CFAP206: variants seen among roughly 807,000 people sequenced by gnomAD.
CFAP206 encodes the protein cilia and flagella associated protein 206, also known as cilia- and flagella-associated protein 206.
CFAP206 carries 53 observed loss-of-function variants against 65.4 expected under a neutral mutation model. The observed-to-expected ratio is 0.81, with a 90% CI of 0.65 to 1.02. The LOEUF (loss-of-function observed/expected upper bound fraction) is 1.02. Among genes scored for constraint, CFAP206 ranks in the 50% least tolerant of loss-of-function variants. The pLI is 0.00. For synonymous variants in CFAP206, 250 were observed against 254.4 expected, an observed-to-expected ratio of 0.98 and a Z score of 0.17; for missense variants, 663 against 753.2, an observed-to-expected ratio of 0.88 and a Z score of 1.40.
chr6:87,434,494 T>A (rs1768217094), intron 10 of CFAP206, among the ~76,000 whole-genome samples: 1 of 131,750 alleles, frequency 7.6e-6, no homozygotes, highest in Non-Finnish European at 1.6e-5. Flanking sequence ...ATATTTCTTT[T>A]TCTTTTTCTT....
intron 11 of CFAP206, among the ~76,000 whole-genome samples, chr6:87,455,082 T>A (rs1768617001): frequency 6.6e-6 from 1 of 151,458 alleles, no homozygotes; most frequent in African/African-American, 2.4e-5. Context: ...ACCACCATGG[T>A]CAGCTAATTT....
At chr6:87,458,124 T>G (rs1768680526) in intron 11 of CFAP206, among the ~76,000 whole-genome samples, 1 of 152,010 alleles carries the variant, frequency 6.6e-6, no homozygotes, top group Admixed American at 6.6e-5. Context: ...TAATGAGATA[T>G]CATCCCACCC....
At chr6:87,423,711 A>C (rs778074447) in intron 7 of CFAP206, among the ~76,000 whole-genome samples, 1 of 152,202 alleles carries the variant, frequency 6.6e-6, no homozygotes, top group Non-Finnish European at 1.5e-5. Context: ...CCTAAAACAA[A>C]ACTTAACAAG....
At chr6:87,450,807 C>T (rs1295565704) in intron 11 of CFAP206, among the ~76,000 whole-genome samples, 1 of 152,266 alleles carries the variant, frequency 6.6e-6, no homozygotes, top group East Asian at 1.9e-4. Context: ...GAAAGACAGT[C>T]TTTAATTGCC....
chr6:87,428,691 C>A lies in CFAP206; in HGVS notation c.1026C>A (p.Val342=). 2 of 1,614,110 alleles carry A rather than the reference C, an allele frequency of 1.2e-6. No individual in the cohort carries two copies. Among genetic ancestry groups the A allele is most frequent in the Non-Finnish European group, 1.7e-6 (2 of 1,180,012 alleles). Residue 342 remains valine, a synonymous_variant, in exon 9 of 13, where the codon GTC becomes GTA. Coordinates refer to ENST00000369562, the MANE Select transcript of CFAP206 (RefSeq NM_001031743.3). The part of the protein sequence containing the change: ...SLQDETIVVG[V]LSNLFTHIQP... ...AAGACGAAACTATTGTGGTTGGTGTCCTCAGTAATTTATTCACTCACATTC... is the reference window on the plus strand; with the variant it reads ...AAGACGAAACTATTGTGGTTGGTGTACTCAGTAATTTATTCACTCACATTC...
intron 3 of CFAP206, among the ~76,000 whole-genome samples, chr6:87,411,439 C>T (rs1017644968): frequency 1.3e-5 from 2 of 152,176 alleles, no homozygotes; most frequent in African/African-American, 4.8e-5. Flanking sequence ...AGTCCTTTGT[C>T]AGATGCATAG....
At chr6:87,461,455 T>A (rs1768747318) in intron 12 of CFAP206, among the ~76,000 whole-genome samples, 1 of 152,160 alleles carries the variant, frequency 6.6e-6, no homozygotes, top group African/African-American at 2.4e-5. Flanking sequence ...TCACTTAAGG[T>A]ATACCATTCT....
intron 6 of CFAP206, among the ~76,000 whole-genome samples, chr6:87,417,560 T>C (rs948614327): frequency 6.6e-6 from 1 of 151,768 alleles, no homozygotes; most frequent in Non-Finnish European, 1.5e-5. Context: ...TTCCTTTTTT[T>C]TTTTTTTTTA....
chr6:87,464,018 A>G lies in CFAP206; in HGVS notation c.1639-2A>G. On this transcript the variant is annotated splice_acceptor_variant, in intron 12 of 12. Coordinates refer to ENST00000369562, the MANE Select transcript of CFAP206 (RefSeq NM_001031743.3). LOFTEE classifies it high-confidence loss of function. ...TAATTCCTGTATTCTCTTTCTCTTT[A>G]GGCTAATTTGCGCCAGAAAGTTACT... 1.2e-6 allele frequency: 2 copies of G among 1,605,076 alleles called. No individual in the cohort carries two copies. Among genetic ancestry groups the G allele is most frequent in the Non-Finnish European group, 1.7e-6 (2 of 1,172,960 alleles).
At chr6:87,460,918 T>C in intron 11 of CFAP206, 104 bp from the exon 12 acceptor site, 1 of 940,714 alleles carries the variant, frequency 1.1e-6, no homozygotes, top group Non-Finnish European at 1.5e-6. Flanking sequence ...TGTCCAAAAA[T>C]TATTGTTTTT....
chr6:87,451,999 C>T (rs1419410986), intron 11 of CFAP206, among the ~76,000 whole-genome samples: 1 of 152,068 alleles, frequency 6.6e-6, no homozygotes, highest in Non-Finnish European at 1.5e-5. Flanking sequence ...AAATAGTTGC[C>T]ACAGTACCAA....
chr6:87,422,485 CTCACGCCTGTAA>C (rs534481406), intron 7 of CFAP206, among the ~76,000 whole-genome samples: 1,557 of 147,738 alleles, frequency 0.011, 26 homozygotes, highest in African/African-American at 0.036. Context: ...GGTGCGGTGG[CTCACGCCTGTAA>C]TCCCAGCACT....
In CFAP206 at chr6:87,408,055, G is replaced by C; in HGVS notation, c.-40G>C. 1.0e-6 allele frequency: 1 copy of C among 985,488 alleles called. No individual in the cohort carries two copies. Among genetic ancestry groups the C allele is most frequent in the Non-Finnish European group, 1.2e-6 (1 of 829,992 alleles). The allele number at this position is 985,488 out of a possible 1,614,324, so 61.0% of individuals were successfully genotyped here. A position where few individuals can be genotyped will look rare whatever the true frequency, so the allele number is the denominator to read the frequency against. On this transcript the variant is annotated 5_prime_UTR_variant, in exon 1 of 13. Transcript: ENST00000369562. ...CGGTGAGGGCCCCAGGACAGAAGCA[G>C]ACAGACACGGCTCCTGCTGTCGATT...
intron 11 of CFAP206, among the ~76,000 whole-genome samples, chr6:87,459,299 G>A (rs937120084): frequency 5.9e-5 from 9 of 152,242 alleles, no homozygotes; most frequent in African/African-American, 1.9e-4. Context: ...TTTGGGGACT[G>A]GTGTTCGAGG....
intron 11 of CFAP206, among the ~76,000 whole-genome samples, chr6:87,457,431 A>G (rs189772840): frequency 6.6e-6 from 1 of 152,366 alleles, no homozygotes; most frequent in Admixed American, 6.5e-5. Flanking sequence ...ACAGAGCTAT[A>G]GTAAGCAAAA....
intron 11 of CFAP206, among the ~76,000 whole-genome samples, chr6:87,449,391 C>G (rs545171004): frequency 7.1e-6 from 1 of 141,828 alleles, no homozygotes; most frequent in South Asian, 2.2e-4. Context: ...GAGCCGAGAT[C>G]GCACCACTGC....
intron 11 of CFAP206, among the ~76,000 whole-genome samples, chr6:87,438,084 A>G (rs9450682): frequency 2.0e-5 from 3 of 151,938 alleles, no homozygotes; most frequent in African/African-American, 7.3e-5. Context: ...TACACTTGCC[A>G]TAGTAAACCA....
chr6:87,444,962 T>G (rs2092646), intron 11 of CFAP206: 1 of 527,814 alleles, frequency 1.9e-6, no homozygotes, highest in Non-Finnish European at 3.8e-6. Flanking sequence ...TCTGTTACAA[T>G]ATCAGATGGC....
intron 11 of CFAP206, among the ~76,000 whole-genome samples, chr6:87,439,667 T>A (rs1768331801): frequency 6.6e-6 from 1 of 152,068 alleles, no homozygotes; most frequent in Non-Finnish European, 1.5e-5. Context: ...AAGAAATATG[T>A]TTTGTCTATT....
Sources: allele counts gnomAD v4.1 joint callset (sites outside exome capture counted in the v4.1 genomes callset), GRCh38; gene constraint gnomAD v4.1.1; transcripts MANE v1.5; gene names NCBI Gene and HGNC (gene_info 2026-07-23, HGNC 2026-07-21).